HTR6: variants seen among roughly 807,000 people sequenced by gnomAD.
The protein encoded by HTR6 is 5-hydroxytryptamine receptor 6.
A neutral mutation model predicts 17.4 loss-of-function variants in HTR6; 15 were observed. That is an observed-to-expected ratio of 0.86 (90% CI 0.58 to 1.33). The LOEUF is 1.33. HTR6 is among the 40% of genes most tolerant of loss of function. HTR6 has a pLI of 0.00. For missense variants in HTR6, 578 were observed against 616.0 expected (o/e 0.94, Z 0.65); for synonymous variants, 326 against 295.5 (o/e 1.10, Z -1.06).
Position 19,679,227 on chromosome 1 carries a change from C to G in HTR6, c.1182C>G (p.Leu394=). Residue 394 remains leucine, a synonymous_variant, in exon 3 of 3, where the codon CTC becomes CTG. Coordinates refer to ENST00000289753, the MANE Select transcript of HTR6 (RefSeq NM_000871.3). This position sits in a 1 kb window ranked among gnomAD's most constrained non-coding sequence, Gnocchi z 4.9. ...AGSGGSSGLR[L]TAQLLLPGEA... ...CAGGCGGCTCCTCGGGCCTGCGGCT[C>G]ACGGCCCAGCTGCTGCTTCCTGGCG... 1 of 1,572,446 alleles carries G rather than the reference C, an allele frequency of 6.4e-7. No individual in the cohort carries two copies. The highest frequency in any genetic ancestry group is 8.6e-7 in the Non-Finnish European group (1 of 1,161,664).
In HTR6 at chr1:19,665,664, G is replaced by T. The variant is rs567986474; in HGVS notation, c.-90G>T. On this transcript the variant is annotated 5_prime_UTR_variant, in exon 1 of 3. Transcript: ENST00000289753. This position sits in a 1 kb window ranked among gnomAD's most constrained non-coding sequence, Gnocchi z 4.2. ...GTGGTGAGTCGCGGTCTGTTCTCAC[G>T]GACGGTCCCCGTCCAGCCTGCGCTT... 3.4e-6 allele frequency: 3 copies of T among 882,470 alleles called. No individual in the cohort carries two copies. Among genetic ancestry groups the T allele is most frequent in the South Asian group, 2.0e-5 (1 of 49,870 alleles). 54.7% of individuals were successfully genotyped at this position (882,470 alleles called of 1,614,324 possible). A position where few individuals can be genotyped will look rare whatever the true frequency, so the allele number is the denominator to read the frequency against.
rs77540756 is a variant in HTR6 at position 19,673,773 on chromosome 1, A to C, written c.715-4794A>C. Among the ~76,000 whole-genome samples, 56 of 152,332 alleles carry C rather than the reference A, an allele frequency of 3.7e-4. 4 individuals carry two copies. The East Asian group carries it at 0.01, about 28-fold the overall frequency. Reference sequence around the variant, plus strand: ...AAATACACTTTAAAAATTCAACAATAGGGATGAAGGAAAAGACCTCCAAAT... The same window carrying C: ...AAATACACTTTAAAAATTCAACAATCGGGATGAAGGAAAAGACCTCCAAAT... On this transcript the variant is annotated intron_variant, in intron 1 of 2. Coordinates refer to ENST00000289753, the MANE Select transcript of HTR6 (RefSeq NM_000871.3).
rs941954683 is a variant in HTR6 at position 19,680,214 on chromosome 1, A to G, written c.*846A>G. Among the ~76,000 whole-genome samples the G allele has an allele frequency of 1.3e-5, 2 of 152,194 alleles. No homozygotes were observed. Among genetic ancestry groups the G allele is most frequent in the African/African-American group, 4.8e-5 (2 of 41,444 alleles). On this transcript the variant is annotated 3_prime_UTR_variant, in exon 3 of 3. Coordinates refer to ENST00000289753, the MANE Select transcript of HTR6 (RefSeq NM_000871.3). ...CCCAGTACACGGTCAGTTAATTGGT[A>G]CGTTCTGTTGTTACGACCCCCGGCT... is the stretch of plus-strand genomic sequence containing the variant.
Position 19,666,570 on chromosome 1 carries a change from C to A in HTR6, c.714+103C>A. 1 of 839,104 alleles carries A rather than the reference C, an allele frequency of 1.2e-6. No homozygotes were observed. Among genetic ancestry groups the A allele is most frequent in the Non-Finnish European group, 1.8e-6 (1 of 552,816 alleles). 52.0% of individuals were successfully genotyped at this position (839,104 alleles called of 1,614,324 possible). ...CCACTTAGCACACATTTGCTCATGG[C>A]CCTGCGTGGCTGTTGTGAGCGCCCA... On this transcript the variant is annotated intron_variant, in intron 1 of 2. Transcript: ENST00000289753. The surrounding 1 kb of genome is among the most constrained non-coding windows in gnomAD (Gnocchi z 4.5).
rs572679344 is a variant in HTR6, at chr1:19,675,914, T to A, written c.715-2653T>A. Among the ~76,000 whole-genome samples, 5 of 151,748 alleles carry A rather than the reference T, an allele frequency of 3.3e-5. No individual in the cohort carries two copies. In the South Asian group the frequency reaches 1.0e-3, roughly 32 times the overall value. On this transcript the variant is annotated intron_variant, in intron 1 of 2. Transcript: ENST00000289753. ...AAAACTAGAAGAGGAGAGAGGAGAG[T>A]AAAACCCTCTTTTACTCCCTTGCTA...
Position 19,665,887 on chromosome 1 carries a change from C to T in HTR6, c.134C>T (p.Ser45Leu). 1 of 1,609,242 alleles carries T rather than the reference C, an allele frequency of 6.2e-7. No individual in the cohort carries two copies. The highest frequency in any genetic ancestry group is 8.5e-7 in the Non-Finnish European group (1 of 1,178,340). Residue 45 changes from serine to leucine, a missense_variant, in exon 1 of 3, where the codon TCG becomes TTG. Ser to Leu is a moderately radical substitution (Grantham distance 145). Transcript: ENST00000289753. The surrounding 1 kb of genome is among the most constrained non-coding windows in gnomAD (Gnocchi z 4.2). ...VVIALTAAAN[S>L]LLIALICTQP... ...ATCGCGCTGACGGCGGCGGCCAACT[C>T]GCTGCTGATCGCGCTCATCTGCACT...
Position 19,666,140 on chromosome 1 carries a change from C to G in HTR6, c.387C>G (p.Leu129=). The stretch of plus-strand genomic sequence containing the variant: ...GCCTGGACCGCTACCTGCTCATCCT[C>G]TCGCCGCTGCGCTACAAGCTGCGCA... ...LISLDRYLLI[L]SPLRYKLRMT... is the part of the protein sequence containing the mutation. The change falls in exon 1 of 3, where the codon CTC becomes CTG. Residue 129 remains leucine, a synonymous_variant. Transcript: ENST00000289753. The surrounding 1 kb of genome is among the most constrained non-coding windows in gnomAD (Gnocchi z 4.5). 1 of 1,612,024 alleles carries G rather than the reference C, an allele frequency of 6.2e-7. No homozygotes were observed. The highest frequency in any genetic ancestry group is 8.5e-7 in the Non-Finnish European group (1 of 1,179,902).
At chr1:19,671,094 G>A (rs1000316231) in intron 1 of HTR6, among the ~76,000 whole-genome samples, 1 of 152,190 alleles carries the variant, frequency 6.6e-6, no homozygotes, top group Admixed American at 6.5e-5. Flanking sequence ...TAGGAGTACA[G>A]ACATTAATCA....
intron 1 of HTR6, among the ~76,000 whole-genome samples, chr1:19,672,410 C>A (rs115080938): frequency 1.6e-5 from 1 of 61,256 alleles, no homozygotes; most frequent in Non-Finnish European, 6.6e-5. Flanking sequence ...TTTCCTCCTC[C>A]TCAGAGGAGG....
chr1:19,673,312 G>C (rs1426802216), intron 1 of HTR6, among the ~76,000 whole-genome samples: 1 of 152,234 alleles, frequency 6.6e-6, no homozygotes, highest in Non-Finnish European at 1.5e-5. Flanking sequence ...ACTTGCTTAA[G>C]GTCACTCCAC....
At position 19,679,458 on chromosome 1, in the gene HTR6, C is replaced by G; in HGVS notation, c.*90C>G. The G allele has an allele frequency of 6.9e-7, 1 of 1,439,538 alleles. No homozygotes were observed. The highest frequency in any genetic ancestry group is 2.6e-4 in the Middle Eastern group (1 of 3,874). The allele number at this position is 1,439,538 out of a possible 1,614,324, so 89.2% of individuals were successfully genotyped here. ...CCAGCTCTTGGCTAAGACCAGGAGGCTGCAAGTCTCCTAGAAGCCCTCTGA... is the reference window on the plus strand; with the variant it reads ...CCAGCTCTTGGCTAAGACCAGGAGGGTGCAAGTCTCCTAGAAGCCCTCTGA... On this transcript the variant is annotated 3_prime_UTR_variant, in exon 3 of 3. Coordinates refer to ENST00000289753, the MANE Select transcript of HTR6 (RefSeq NM_000871.3). This position sits in a 1 kb window ranked among gnomAD's most constrained non-coding sequence, Gnocchi z 4.9.
At position 19,665,818 on chromosome 1, in the gene HTR6, C is replaced by T. The variant is rs1405204334; in HGVS notation, c.65C>T (p.Ala22Val). Reference protein sequence around the residue: ...TPAWGAGPPSAPGGSGWVAAA... With the variant: ...TPAWGAGPPSVPGGSGWVAAA... ...GCCTGGGGGGCAGGGCCGCCGTCGG[C>T]CCCGGGGGGCAGCGGCTGGGTGGCG... Residue 22 changes from alanine (A) to valine (V), a missense_variant, in exon 1 of 3, where the codon GCC becomes GTC. By Grantham distance (64) the Ala-to-Val change is moderately conservative. Transcript: ENST00000289753. The surrounding 1 kb of genome is among the most constrained non-coding windows in gnomAD (Gnocchi z 4.2). 3 of 1,562,714 alleles carry T rather than the reference C, an allele frequency of 1.9e-6. No homozygotes were observed. The highest frequency in any genetic ancestry group is 3.7e-5 in the Admixed American group (2 of 53,674).
rs201559988 is a variant in HTR6, at chr1:19,666,270, C to T, written c.517C>T (p.Arg173Trp). The T allele has an allele frequency of 1.4e-5, 23 of 1,610,394 alleles. No individual in the cohort carries two copies. The highest frequency in any genetic ancestry group is 1.2e-4 in the South Asian group (11 of 91,040). Residue 173 changes from arginine to tryptophan, a missense_variant, in exon 1 of 3, where the codon CGG becomes TGG. Arg to Trp is a moderately radical substitution (Grantham distance 101). Transcript: ENST00000289753. The surrounding 1 kb of genome is among the most constrained non-coding windows in gnomAD (Gnocchi z 4.5). The part of the protein sequence containing the change: ...LLGWHELGHA[R>W]PPVPGQCRLL... ...GGGCTGGCACGAGCTGGGCCACGCACGGCCACCCGTCCCTGGCCAGTGCCG... is the reference window on the plus strand; with the variant it reads ...GGGCTGGCACGAGCTGGGCCACGCATGGCCACCCGTCCCTGGCCAGTGCCG...
At chr1:19,675,616 T>G (rs1050189616) in intron 1 of HTR6, among the ~76,000 whole-genome samples, 8 of 151,976 alleles carry the variant, frequency 5.3e-5, no homozygotes, top group African/African-American at 1.9e-4. Flanking sequence ...CCTGAGATAT[T>G]CCCCCTAGTG....
intron 1 of HTR6, among the ~76,000 whole-genome samples, chr1:19,678,178 GCT>G (rs1353224219): frequency 1.3e-5 from 2 of 152,216 alleles, no homozygotes; most frequent in Non-Finnish European, 2.9e-5. Flanking sequence ...TTCAGGTATT[GCT>G]CTGTCTCACT....
chr1:19,678,657 A>T lies in HTR6; in HGVS notation c.805A>T (p.Thr269Ser). ...HSRKALKASL[T>S]LGILLGMFFV... ...CAGGAAGGCCCTGAAGGCCAGCCTG[A>T]CGCTGGGCATCCTGCTGGGCATGTT... Residue 269 changes from threonine (T) to serine (S), a missense_variant, in exon 2 of 3, where the codon ACG (threonine) becomes TCG (serine). Physicochemically the swap from Thr to Ser is moderately conservative, Grantham distance 58 (BLOSUM62 1). Transcript: ENST00000289753. 6.2e-7 allele frequency: 1 copy of T among 1,613,800 alleles called. No homozygotes were observed. Among genetic ancestry groups the T allele is most frequent in the Non-Finnish European group, 8.5e-7 (1 of 1,179,950 alleles).
chr1:19,678,618 G>A lies in HTR6; in HGVS notation c.766G>A (p.Ala256Thr). Reference sequence around the variant, plus strand: ...GGAGTCTGCTGACAGCAGGCGTCTAGCCACGAAGCACAGCAGGAAGGCCCT... The same window carrying A: ...GGAGTCTGCTGACAGCAGGCGTCTAACCACGAAGCACAGCAGGAAGGCCCT... ...GVESADSRRL[A>T]TKHSRKALKA... Residue 256 changes from alanine to threonine, a missense_variant, in exon 2 of 3, where the codon GCC becomes ACC. By Grantham distance (58) the Ala-to-Thr change is moderately conservative (BLOSUM62 0). Transcript: ENST00000289753. The A allele has an allele frequency of 6.2e-7, 1 of 1,613,452 alleles. No homozygotes were observed. Among genetic ancestry groups the A allele is most frequent in the Non-Finnish European group, 8.5e-7 (1 of 1,179,998 alleles).
chr1:19,665,502 G>A lies in HTR6; in HGVS notation c.-252G>A, dbSNP rs2095080156. The stretch of plus-strand genomic sequence containing the variant: ...GTGCCCCTCCCCAAACTTCCAACCC[G>A]TTTGCTCCAGGAGTTCCTGCCCCAT... On this transcript the variant is annotated 5_prime_UTR_variant, in exon 1 of 3. Coordinates refer to ENST00000289753, the MANE Select transcript of HTR6 (RefSeq NM_000871.3). This position sits in a 1 kb window ranked among gnomAD's most constrained non-coding sequence, Gnocchi z 4.2. The A allele has an allele frequency of 4.6e-5, 19 of 410,086 alleles. No individual in the cohort carries two copies. The East Asian group carries it at 6.1e-4, about 13-fold the overall frequency. The allele number at this position is 410,086 out of a possible 1,614,324, so 25.4% of individuals were successfully genotyped here. A position where few individuals can be genotyped will look rare whatever the true frequency, so the allele number is the denominator to read the frequency against.
At position 19,680,520 on chromosome 1, in the gene HTR6, A is replaced by G. The variant is rs1570589063; in HGVS notation, c.*1152A>G. Among the ~76,000 whole-genome samples, 1 of 152,128 alleles carries G rather than the reference A, an allele frequency of 6.6e-6. No homozygotes were observed. Among genetic ancestry groups the G allele is most frequent in the African/African-American group, 2.4e-5 (1 of 41,416 alleles). ...TTCCTCAATCCTGGGGGGTCCTTGG[A>G]CCTAGAAGGGAACAACTGATGGGGA... On this transcript the variant is annotated 3_prime_UTR_variant, in exon 3 of 3. Transcript: ENST00000289753.
Sources: allele counts gnomAD v4.1 joint callset (sites outside exome capture counted in the v4.1 genomes callset), GRCh38; gene constraint gnomAD v4.1.1; non-coding constraint Gnocchi (gnomAD v3.1); transcripts MANE v1.5; gene names NCBI Gene and HGNC (gene_info 2026-07-23, HGNC 2026-07-21).